The following ANKS1B variants were observed in gnomAD, a reference collection of about 807,000 sequenced individuals.
The protein encoded by ANKS1B is ankyrin repeat and sterile alpha motif domain containing 1B.
ANKS1B carries 36 observed loss-of-function variants against 148.3 expected under a neutral mutation model. The observed-to-expected ratio is 0.24, with a 90% CI of 0.19 to 0.32. The LOEUF (loss-of-function observed/expected upper bound fraction) is 0.32, where lower values mean the gene tolerates loss of function less well. Ranked by LOEUF, ANKS1B falls within the 10% of genes least tolerant of loss-of-function variation. The probability of loss-of-function intolerance (pLI) is 1.00; values close to 1 mark genes in which losing one functional copy is unlikely to be tolerated. For missense variants in ANKS1B, 1,157 were observed against 1,542.6 expected (o/e 0.75, Z 4.19); for synonymous variants, 542 against 560.8 (o/e 0.97, Z 0.47).
intron 8 of ANKS1B, among the ~76,000 whole-genome samples, chr12:99,680,481 A>G (rs2153482016): frequency 6.6e-6 from 1 of 151,662 alleles, no homozygotes; most frequent in South Asian, 2.1e-4. Flanking sequence ...CCCTGTAGGC[A>G]GTCTCAGGGG....
intron 12 of ANKS1B, among the ~76,000 whole-genome samples, chr12:99,297,014 A>T (rs1242644337): frequency 6.6e-6 from 1 of 152,166 alleles, no homozygotes; most frequent in Non-Finnish European, 1.5e-5. Flanking sequence ...TAAACTAAAC[A>T]TCTCAATTTA....
intron 1 of ANKS1B, among the ~76,000 whole-genome samples, chr12:99,861,131 G>A (rs995276280): frequency 1.3e-5 from 2 of 152,150 alleles, no homozygotes; most frequent in East Asian, 1.9e-4. Context: ...CCTGTACCTC[G>A]CTTCTGTGTT....
intron 8 of ANKS1B, among the ~76,000 whole-genome samples, chr12:99,717,934 C>T (rs1460241102): frequency 1.5e-5 from 2 of 135,958 alleles, no homozygotes; most frequent in African/African-American, 2.7e-5. Context: ...GACGGAGTCT[C>T]GCTCTGTCGC....
intron 1 of ANKS1B, among the ~76,000 whole-genome samples, chr12:99,924,604 G>A (rs1287801298): frequency 1.3e-5 from 2 of 152,002 alleles, no homozygotes; most frequent in Non-Finnish European, 2.9e-5. Flanking sequence ...GAACCTTTTG[G>A]GAAGTAATCA....
chr12:99,968,488 G>T (rs966377166), intron 1 of ANKS1B, among the ~76,000 whole-genome samples: 1 of 152,190 alleles, frequency 6.6e-6, no homozygotes, highest in Non-Finnish European at 1.5e-5. Context: ...AACCCTGGAG[G>T]CGGCACTTGC....
At chr12:99,909,342 C>T (rs1030657785) in intron 1 of ANKS1B, among the ~76,000 whole-genome samples, 33 of 151,284 alleles carry the variant, frequency 2.2e-4, no homozygotes, top group Non-Finnish European at 2.9e-5. Context: ...GTAGATACTG[C>T]TGCAATAAAC....
At chr12:98,855,165 CAAA>C (rs60609011) in intron 17 of ANKS1B, among the ~76,000 whole-genome samples, 3 of 86,706 alleles carry the variant, frequency 3.5e-5, no homozygotes, top group Non-Finnish European at 2.6e-5. Flanking sequence ...GACTCCGTCT[CAAA>C]AAAAAAAAAA....
At chr12:99,195,347 T>C (rs751954012) in intron 14 of ANKS1B, among the ~76,000 whole-genome samples, 14 of 152,292 alleles carry the variant, frequency 9.2e-5, no homozygotes, top group South Asian at 2.1e-4. Flanking sequence ...TTTGATGATT[T>C]TGAGCATGGA....
intron 7 of ANKS1B, among the ~76,000 whole-genome samples, 160 bp from the exon 8 acceptor site, chr12:99,773,248 G>T (rs533729693): frequency 6.6e-6 from 1 of 152,176 alleles, no homozygotes; most frequent in Non-Finnish European, 1.5e-5. Context: ...ACCATAATTA[G>T]TACAACAATA....
At chr12:98,991,750 TAA>T (rs1385452572) in intron 17 of ANKS1B, among the ~76,000 whole-genome samples, 1 of 152,186 alleles carries the variant, frequency 6.6e-6, no homozygotes, top group African/African-American at 2.4e-5. Flanking sequence ...GCATAGCTAG[TAA>T]ATAGTAGAAA....
chr12:99,289,484 C>T (rs986754153), intron 12 of ANKS1B, among the ~76,000 whole-genome samples: 21 of 152,058 alleles, frequency 1.4e-4, no homozygotes, highest in Admixed American at 1.0e-3. Context: ...CTCCTCAGCA[C>T]GTGGATCATT....
In ANKS1B at chr12:98,903,414, C is replaced by T. The variant is rs532089889; in HGVS notation, c.2779-71278G>A. ...GTGGTTTGTTCAGAGACGGTCAGAA[C>T]CAAGACTGTTGGAACTACTGGGAAA... On this transcript the variant is annotated intron_variant, in intron 17 of 26. Coordinates refer to ENST00000683438, the MANE Select transcript of ANKS1B (RefSeq NM_001352186.2). Among the ~76,000 whole-genome samples, 6 of 152,194 alleles carry T rather than the reference C, an allele frequency of 3.9e-5. No homozygotes were observed. In the South Asian group the frequency reaches 8.3e-4, roughly 21 times the overall value.
intron 4 of ANKS1B, among the ~76,000 whole-genome samples, chr12:99,798,431 A>AAAAAC (rs761808334): frequency 5.3e-5 from 6 of 112,202 alleles, no homozygotes; most frequent in Non-Finnish European, 4.0e-5. Flanking sequence ...ATTAAAAAAA[A>AAAAAC]AAAAAAAAAA....
At chr12:99,721,345 A>G (rs2058067126) in intron 8 of ANKS1B, among the ~76,000 whole-genome samples, 1 of 152,140 alleles carries the variant, frequency 6.6e-6, no homozygotes, top group Non-Finnish European at 1.5e-5. Flanking sequence ...CTCTGAGCCC[A>G]AGCTAAGCCA....
At chr12:99,397,183 T>C (rs1395456605) in intron 12 of ANKS1B, among the ~76,000 whole-genome samples, 1 of 152,158 alleles carries the variant, frequency 6.6e-6, no homozygotes, top group Non-Finnish European at 1.5e-5. Flanking sequence ...CTACTACTAC[T>C]AATAGTTACT....
intron 17 of ANKS1B, among the ~76,000 whole-genome samples, chr12:98,950,451 T>G (rs1198042719): frequency 6.6e-6 from 1 of 152,102 alleles, no homozygotes; most frequent in African/African-American, 2.4e-5. Context: ...GAGTTGAGAT[T>G]GTGTCACTGC....
chr12:99,463,364 C>A (rs563991877), intron 10 of ANKS1B, among the ~76,000 whole-genome samples: 18 of 152,298 alleles, frequency 1.2e-4, no homozygotes, highest in African/African-American at 4.1e-4. Context: ...ATGAGTGACG[C>A]AGAAGACGGG....
At position 99,978,502 on chromosome 12, in the gene ANKS1B, CTAAAATAGA is replaced by C. The variant is rs1223924565; in HGVS notation, c.134+5593_134+5601del. Among the ~76,000 whole-genome samples the C allele has an allele frequency of 7.2e-5, 11 of 152,320 alleles. No homozygotes were observed. In the East Asian group the frequency reaches 2.1e-3, roughly 29 times the overall value. ...TCACCACTTCAAACATCATTACTATCTAAAATAGATAACCCACTTGCAACTTGACTATTT... is the reference window on the plus strand; with the variant it reads ...TCACCACTTCAAACATCATTACTATCTAACCCACTTGCAACTTGACTATTT... On this transcript the variant is annotated intron_variant, in intron 1 of 26. Coordinates refer to ENST00000683438, the MANE Select transcript of ANKS1B (RefSeq NM_001352186.2).
intron 17 of ANKS1B, among the ~76,000 whole-genome samples, chr12:99,024,889 T>C (rs978419548): frequency 6.6e-5 from 10 of 152,222 alleles, no homozygotes; most frequent in African/African-American, 2.4e-4. Flanking sequence ...CTCTATAGTT[T>C]AGAGCCTGCA....
Sources: allele counts gnomAD v4.1 joint callset (sites outside exome capture counted in the v4.1 genomes callset), GRCh38; gene constraint gnomAD v4.1.1; transcripts MANE v1.5; gene names NCBI Gene and HGNC (gene_info 2026-07-23, HGNC 2026-07-21).